The following TCF12 variants were observed in gnomAD, a reference collection of about 807,000 sequenced individuals.
TCF12 encodes DNA-binding protein HTF4.
A neutral mutation model predicts 86.0 loss-of-function variants in TCF12; 45 were observed. The ratio of observed to expected loss-of-function variants is 0.52; its 90% confidence interval spans 0.41 to 0.67. The LOEUF is 0.67. Among genes scored for constraint, TCF12 ranks in the 30% least tolerant of loss-of-function variants. The pLI, the probability that TCF12 is intolerant of heterozygous loss-of-function variation, is 0.00. For synonymous variants in TCF12, 330 were observed against 299.6 expected (o/e 1.10, Z -1.05); for missense variants, 881 against 859.9 (o/e 1.02, Z -0.31).
Position 57,023,208 on chromosome 15 carries a change from A to T in TCF12, c.149-40542A>T, listed in dbSNP as rs545130867. On this transcript the variant is annotated intron_variant, in intron 3 of 20. Transcript: ENST00000333725. ...AACATTCACTTGTTTCATAGAGATT[A>T]TTTTTTAAGTATGGAGTTTGATTTT... 5.5e-4 allele frequency among the ~76,000 whole-genome samples: 83 copies of T among 152,260 alleles called. No individual in the cohort carries two copies. The South Asian group carries it at 0.017, about 31-fold the overall frequency.
intron 8 of TCF12, among the ~76,000 whole-genome samples, chr15:57,207,792 A>G (rs1396654938): frequency 6.6e-6 from 1 of 152,184 alleles, no homozygotes. Flanking sequence ...CATGATTTTC[A>G]GTATCTTCTC....
chr15:57,007,872 T>TTC (rs2064540041), intron 3 of TCF12, among the ~76,000 whole-genome samples: 1 of 64,412 alleles, frequency 1.6e-5, no homozygotes, highest in Non-Finnish European at 3.0e-5. Context: ...CTTCCTTCCT[T>TTC]CCTTCCTTCC....
At chr15:57,094,900 G>C (rs532542028) in intron 5 of TCF12, among the ~76,000 whole-genome samples, 1 of 152,286 alleles carries the variant, frequency 6.6e-6, no homozygotes, top group East Asian at 1.9e-4. Context: ...TTCTGTGATA[G>C]AGCTTTCAAA....
chr15:57,228,440 A>T lies in TCF12; in HGVS notation c.580-2712A>T, dbSNP rs566356842. Among the ~76,000 whole-genome samples the T allele has an allele frequency of 3.3e-5, 5 of 152,100 alleles. No individual in the cohort carries two copies. In the South Asian group the frequency reaches 6.2e-4, roughly 19 times the overall value. On this transcript the variant is annotated intron_variant, in intron 8 of 20. Transcript: ENST00000333725. ...GGATTTTTTTTTGCCATTTTCATTT[A>T]TAAGGTCTGTCCTTTAAAAGTCCAT...
intron 13 of TCF12, chr15:57,247,032 C>T: frequency 1.8e-6 from 1 of 548,746 alleles, no homozygotes; most frequent in Admixed American, 2.0e-5. Context: ...ACCAAAAGTG[C>T]CCCCTTTCAT....
chr15:57,075,800 T>TCTCTCTCTCTCTCTCTCTC (rs1567370475), intron 4 of TCF12, among the ~76,000 whole-genome samples: 4 of 20,504 alleles, frequency 2.0e-4, no homozygotes, highest in African/African-American at 2.9e-4. Context: ...CTTTCTTTCT[T>TCTCTCTCTCTCTCTCTCTC]TCTTTCTCTC....
chr15:57,052,245 C>T (rs2067681988), intron 3 of TCF12, among the ~76,000 whole-genome samples: 1 of 152,012 alleles, frequency 6.6e-6, no homozygotes, highest in Non-Finnish European at 1.5e-5. Context: ...GGTGTGATTG[C>T]CTTTGTTCTG....
intron 3 of TCF12, among the ~76,000 whole-genome samples, chr15:57,030,757 C>G (rs1450785365): frequency 6.6e-6 from 1 of 152,028 alleles, no homozygotes; most frequent in East Asian, 1.9e-4. Flanking sequence ...CCATCTTTAT[C>G]TTAATTGCAT....
intron 5 of TCF12, among the ~76,000 whole-genome samples, chr15:57,104,291 A>C (rs1227948404): frequency 2.6e-5 from 4 of 152,130 alleles, no homozygotes; most frequent in Non-Finnish European, 5.9e-5. Context: ...GAGGAAGGGA[A>C]AAAATGTTTA....
chr15:57,266,086 A>ATTTATTTAT (rs2060853836), intron 18 of TCF12, among the ~76,000 whole-genome samples: 1 of 110,190 alleles, frequency 9.1e-6, no homozygotes, highest in Non-Finnish European at 1.8e-5. Flanking sequence ...TTTTGTTTTT[A>ATTTATTTAT]TTATTTATTT....
intron 5 of TCF12, among the ~76,000 whole-genome samples, chr15:57,133,900 G>A (rs1314944330): frequency 6.6e-6 from 1 of 152,102 alleles, no homozygotes; most frequent in Admixed American, 6.5e-5. Flanking sequence ...CAAGTTTAAA[G>A]CAAAATCTGT....
chr15:57,090,854 G>A (rs1403020855), intron 4 of TCF12, among the ~76,000 whole-genome samples: 1 of 152,102 alleles, frequency 6.6e-6, no homozygotes, highest in African/African-American at 2.4e-5. Flanking sequence ...AGAGTTCAAA[G>A]CCTTGTTTAG....
intron 3 of TCF12, among the ~76,000 whole-genome samples, chr15:57,014,479 T>TG (rs1289805007): frequency 6.6e-6 from 1 of 152,216 alleles, no homozygotes; most frequent in Non-Finnish European, 1.5e-5. Context: ...GTAAGCAGTT[T>TG]GGTCCCTTGA....
chr15:56,937,946 C>A (rs1358943699), intron 3 of TCF12, among the ~76,000 whole-genome samples: 1 of 149,492 alleles, frequency 6.7e-6, no homozygotes, highest in East Asian at 2.0e-4. Context: ...CTGTTTGATT[C>A]GGTTAGCTAG....
At chr15:57,278,224 A>G (rs749460697) in intron 19 of TCF12, among the ~76,000 whole-genome samples, 10 of 152,176 alleles carry the variant, frequency 6.6e-5, no homozygotes, top group Non-Finnish European at 1.3e-4. Flanking sequence ...TCCAGGAAAC[A>G]AAGGATTTAA....
At chr15:56,933,964 A>G (rs1458355276) in intron 3 of TCF12, among the ~76,000 whole-genome samples, 1 of 152,046 alleles carries the variant, frequency 6.6e-6, no homozygotes, top group African/African-American at 2.4e-5. Flanking sequence ...AATTCATCAG[A>G]ATGTCAGAAT....
intron 3 of TCF12, among the ~76,000 whole-genome samples, chr15:57,013,029 C>A (rs1161992663): frequency 6.6e-6 from 1 of 151,680 alleles, no homozygotes; most frequent in East Asian, 1.9e-4. Flanking sequence ...ATGTAAGATA[C>A]CGCAGATTTT....
At chr15:56,968,324 TC>T (rs1255313742) in intron 3 of TCF12, among the ~76,000 whole-genome samples, 1 of 151,950 alleles carries the variant, frequency 6.6e-6, no homozygotes, top group African/African-American at 2.4e-5. Flanking sequence ...AAGCTGGCTC[TC>T]ATTATTTTCC....
chr15:57,219,026 A>C (rs1450091955), intron 8 of TCF12: 32 of 1,044,172 alleles, frequency 3.1e-5, no homozygotes, highest in Non-Finnish European at 3.7e-5. Context: ...TGTGTTTATC[A>C]AAGTTGAAGC....
Sources: allele counts gnomAD v4.1 joint callset (sites outside exome capture counted in the v4.1 genomes callset), GRCh38; gene constraint gnomAD v4.1.1; transcripts MANE v1.5; gene names NCBI Gene and HGNC (gene_info 2026-07-23, HGNC 2026-07-21).